The following PCDHA9 variants were observed in gnomAD, a reference collection of about 807,000 sequenced individuals.
PCDHA9 encodes the protein protocadherin alpha 9.
PCDHA9 carries 62 observed loss-of-function variants against 62.0 expected under a neutral mutation model. The observed-to-expected ratio is 1.00, with a 90% CI of 0.81 to 1.23. The LOEUF (loss-of-function observed/expected upper bound fraction) is 1.23, where lower values mean the gene tolerates loss of function less well. PCDHA9 is among the 50% of genes most tolerant of loss of function. PCDHA9 has a pLI of 0.00. For synonymous variants in PCDHA9, 557 were observed against 567.6 expected (o/e 0.98, Z 0.27); for missense variants, 1,205 against 1,249.8 (o/e 0.96, Z 0.54).
At chr5:140,969,382 TC>T in intron 1 of PCDHA9, 1 of 1,597,954 alleles carries the variant, frequency 6.3e-7, no homozygotes, top group Non-Finnish European at 8.5e-7. Flanking sequence ...TTGTTACACA[TC>T]CCCCAATATC....
At chr5:140,889,645 A>AG (rs1314365000) in intron 1 of PCDHA9, among the ~76,000 whole-genome samples, 1 of 152,040 alleles carries the variant, frequency 6.6e-6, no homozygotes, top group African/African-American at 2.4e-5. Context: ...TTGTGTTTGC[A>AG]GGAGATGTCC....
intron 1 of PCDHA9, 40 bp from the exon 2 acceptor site, chr5:140,978,909 C>T: frequency 6.2e-7 from 1 of 1,613,660 alleles, no homozygotes; most frequent in South Asian, 1.1e-5. Context: ...AGAACATTGT[C>T]TTGTCATTTT....
intron 3 of PCDHA9, among the ~76,000 whole-genome samples, chr5:141,000,999 A>G (rs1315543518): frequency 6.6e-6 from 1 of 152,234 alleles, no homozygotes; most frequent in Non-Finnish European, 1.5e-5. Context: ...TATGCTTTAA[A>G]TATGTATTTA....
At chr5:140,952,515 C>G (rs2094758109) in intron 1 of PCDHA9, among the ~76,000 whole-genome samples, 1 of 152,132 alleles carries the variant, frequency 6.6e-6, no homozygotes, top group Non-Finnish European at 1.5e-5. Context: ...TCATCTCCAT[C>G]TGAGACCTCC....
At chr5:140,982,159 G>A (rs1466298378) in intron 2 of PCDHA9, among the ~76,000 whole-genome samples, 1 of 152,262 alleles carries the variant, frequency 6.6e-6, no homozygotes, top group African/African-American at 2.4e-5. Flanking sequence ...GTATCGAGAT[G>A]TTAAAATGGC....
At position 140,848,738 on chromosome 5, in the gene PCDHA9, T is replaced by C. The variant is rs1554142405; in HGVS notation, c.243T>C (p.Asn81=). ...ACCTTCTGGAGGTAAATCTGCAGAA[T>C]GGCATTTTGTTTGTGAATTCTCGGA... ...RGDLLEVNLQ[N]GILFVNSRID... Residue 81 remains asparagine (N), a synonymous_variant, in exon 1 of 4, where the codon AAT becomes AAC. Transcript: ENST00000532602. 9 of 1,592,802 alleles carry C rather than the reference T, an allele frequency of 5.7e-6. 1 individual carries two copies. Among genetic ancestry groups the C allele is most frequent in the Middle Eastern group, 1.7e-4 (1 of 5,866 alleles).
At chr5:141,008,382 A>G (rs1458485740) in intron 3 of PCDHA9, among the ~76,000 whole-genome samples, 1 of 152,166 alleles carries the variant, frequency 6.6e-6, no homozygotes, top group African/African-American at 2.4e-5. Flanking sequence ...ATACATAAAC[A>G]TTGCTATGAT....
At position 140,985,395 on chromosome 5, in the gene PCDHA9, C is replaced by G. The variant is rs377641758; in HGVS notation, c.2542+2832C>G. 2.6e-5 allele frequency among the ~76,000 whole-genome samples: 4 copies of G among 152,302 alleles called. No individual in the cohort carries two copies. The East Asian group carries it at 7.7e-4, about 29-fold the overall frequency. On this transcript the variant is annotated intron_variant, in intron 3 of 3. Coordinates refer to ENST00000532602, the MANE Select transcript of PCDHA9 (RefSeq NM_031857.2). ...GGTCTATATAATCCAGTCACCCCAACTGTTCCCCTGGAAATGGAGTGAGGA... is the reference window on the plus strand; with the variant it reads ...GGTCTATATAATCCAGTCACCCCAAGTGTTCCCCTGGAAATGGAGTGAGGA...
At chr5:140,883,952 G>C (rs782014250) in intron 1 of PCDHA9, 17 of 1,613,030 alleles carry the variant, frequency 1.1e-5, no homozygotes, top group Non-Finnish European at 1.4e-5. Context: ...GAACGACAAC[G>C]CTCCGGCGCT....
At chr5:140,986,823 A>G (rs2097214089) in intron 3 of PCDHA9, among the ~76,000 whole-genome samples, 1 of 152,166 alleles carries the variant, frequency 6.6e-6, no homozygotes, top group Admixed American at 6.5e-5. Context: ...TTTGGTTTAG[A>G]CAATGGTTCT....
At chr5:140,926,850 G>A (rs375350613) in intron 1 of PCDHA9, 3 of 1,517,570 alleles carry the variant, frequency 2.0e-6, no homozygotes, top group African/African-American at 2.8e-5. Flanking sequence ...CTGGGTCACC[G>A]TTGGTGTAGC....
intron 1 of PCDHA9, among the ~76,000 whole-genome samples, chr5:140,977,949 G>A (rs919613337): frequency 2.6e-5 from 4 of 152,036 alleles, no homozygotes; most frequent in Admixed American, 6.6e-5. Context: ...TTCAGTGACA[G>A]GGCCACCTCA....
chr5:141,004,311 C>T (rs2098161581), intron 3 of PCDHA9, among the ~76,000 whole-genome samples: 1 of 152,210 alleles, frequency 6.6e-6, no homozygotes, highest in South Asian at 2.1e-4. Context: ...TTTTATACAA[C>T]AACCAGAACA....
At chr5:140,953,580 A>G (rs1053710021) in intron 1 of PCDHA9, among the ~76,000 whole-genome samples, 23 of 151,934 alleles carry the variant, frequency 1.5e-4, no homozygotes, top group Non-Finnish European at 2.4e-4. Context: ...CTCTCCCAAA[A>G]CTGCCTCCTT....
Position 140,932,319 on chromosome 5 carries a change from G to A in PCDHA9, c.2395-46630G>A, listed in dbSNP as rs60286116. Among the ~76,000 whole-genome samples the A allele has an allele frequency of 3.3e-3, 499 of 151,902 alleles. 2 individuals are homozygous for A. The highest frequency in any genetic ancestry group is 0.012 in the African/African-American group (480 of 41,512). ...TTTTTAAAGGTATAAATATATTAATGTAGCAAAAATGCATGAAACACTTAC... is the reference window on the plus strand; with the variant it reads ...TTTTTAAAGGTATAAATATATTAATATAGCAAAAATGCATGAAACACTTAC... On this transcript the variant is annotated intron_variant, in intron 1 of 3. Transcript: ENST00000532602.
intron 1 of PCDHA9, among the ~76,000 whole-genome samples, chr5:140,913,086 A>G (rs937964424): frequency 6.6e-6 from 1 of 152,142 alleles, no homozygotes; most frequent in Admixed American, 6.6e-5. Flanking sequence ...TGGTATCAGG[A>G]TAATACTGGC....
At position 140,979,365 on chromosome 5, in the gene PCDHA9, C is replaced by T. The variant is rs782063202; in HGVS notation, c.2453+358C>T. Among the ~76,000 whole-genome samples, 13 of 151,916 alleles carry T rather than the reference C, an allele frequency of 8.6e-5. 1 individual carries two copies. The highest frequency in any genetic ancestry group is 1.5e-5 in the Non-Finnish European group (1 of 67,992). On this transcript the variant is annotated intron_variant, in intron 2 of 3. Coordinates refer to ENST00000532602, the MANE Select transcript of PCDHA9 (RefSeq NM_031857.2). ...TGTAATTAATACTCATGCTTTGAGA[C>T]TTGGGTACATTGTGCAATGTATACA...
chr5:140,876,127 A>G lies in PCDHA9; in HGVS notation c.2394+25238A>G, dbSNP rs782626047. 2.5e-6 allele frequency: 4 copies of G among 1,613,984 alleles called. No homozygotes were observed. The South Asian group carries it at 3.3e-5, about 13-fold the overall frequency. ...ATTGCTGATGGTAATCGATGGCGGTAAACCAGAACTAACAGGGTCTGTCCA... is the reference window on the plus strand; with the variant it reads ...ATTGCTGATGGTAATCGATGGCGGTGAACCAGAACTAACAGGGTCTGTCCA... On this transcript the variant is annotated intron_variant, in intron 1 of 3. Coordinates refer to ENST00000532602, the MANE Select transcript of PCDHA9 (RefSeq NM_031857.2).
intron 3 of PCDHA9, among the ~76,000 whole-genome samples, chr5:141,007,925 G>T (rs2098351885): frequency 1.3e-5 from 2 of 152,138 alleles, no homozygotes; most frequent in South Asian, 4.2e-4. Context: ...ATATAAGCTG[G>T]AATTCTAAGC....
Sources: allele counts gnomAD v4.1 joint callset (sites outside exome capture counted in the v4.1 genomes callset), GRCh38; gene constraint gnomAD v4.1.1; transcripts MANE v1.5; gene names NCBI Gene and HGNC (gene_info 2026-07-23, HGNC 2026-07-21).